SPHKAP: variants seen among roughly 807,000 people sequenced by gnomAD.
The protein encoded by SPHKAP is A-kinase anchor protein SPHKAP.
SPHKAP carries 67 observed loss-of-function variants against 137.5 expected under a neutral mutation model. The observed-to-expected ratio is 0.49, with a 90% confidence interval of 0.40 to 0.60. The LOEUF (loss-of-function observed/expected upper bound fraction) is 0.60. Among genes scored for constraint, SPHKAP ranks in the 20% least tolerant of loss-of-function variants. SPHKAP has a pLI of 0.00. For missense variants in SPHKAP, 2,097 were observed against 2,069.3 expected (o/e 1.01, Z -0.26); for synonymous variants, 813 against 785.3 (o/e 1.04, Z -0.59).
Position 228,076,060 on chromosome 2 carries a change from G to T in SPHKAP, c.246+32772C>A, listed in dbSNP as rs533541607. ...CATGATAGTGAATGAGTCTCATGAG[G>T]TCTGATAATTCTAAAAATGGGAGTT... is the stretch of plus-strand genomic sequence containing the variant. On this transcript the variant is annotated intron_variant, in intron 3 of 11. Coordinates refer to ENST00000392056, the MANE Select transcript of SPHKAP (RefSeq NM_001142644.2). Among the ~76,000 whole-genome samples, 5 of 152,242 alleles carry T rather than the reference G, an allele frequency of 3.3e-5. No individual in the cohort carries two copies. In the East Asian group the frequency reaches 9.7e-4, roughly 29 times the overall value.
In SPHKAP at chr2:227,980,235, G is replaced by GCATGC; in HGVS notation, c.*1481_*1482insGCATG. The GCATGC allele has an allele frequency of 6.6e-6, 1 of 152,416 alleles. No homozygotes were observed. The highest frequency in any genetic ancestry group is 2.1e-4 in the South Asian group (1 of 4,816). 9.4% of individuals were successfully genotyped at this position (152,416 alleles called of 1,614,324 possible). On this transcript the variant is annotated 3_prime_UTR_variant, in exon 12 of 12. Transcript: ENST00000392056. ...AATTAAGCATAATAACCTAAATTTG[G>GCATGC]ACTATCTGAATAAGAAATGCCTAAT...
intron 3 of SPHKAP, among the ~76,000 whole-genome samples, chr2:228,069,754 C>T (rs966086924): frequency 4.6e-5 from 7 of 152,218 alleles, no homozygotes; most frequent in African/African-American, 1.7e-4. Flanking sequence ...GCCTGAGGAA[C>T]CAAGCTTGGA....
At chr2:228,165,597 A>AATTTAT (rs1313256076) in intron 1 of SPHKAP, among the ~76,000 whole-genome samples, 230 of 152,276 alleles carry the variant, frequency 1.5e-3, no homozygotes, top group African/African-American at 5.1e-3. Context: ...GAGATAACTC[A>AATTTAT]CTCCTCTACA....
intron 6 of SPHKAP, 67 bp downstream of exon 6, chr2:228,021,644 T>C: frequency 1.3e-6 from 2 of 1,541,822 alleles, no homozygotes; most frequent in South Asian, 1.3e-5. Context: ...GGAACTTTTC[T>C]GAAATCTCAC....
At chr2:228,005,729 T>G (rs1336197359) in intron 7 of SPHKAP, among the ~76,000 whole-genome samples, 1 of 152,194 alleles carries the variant, frequency 6.6e-6, no homozygotes, top group Non-Finnish European at 1.5e-5. Context: ...TCAGGAGCTC[T>G]TGTAGGGCAG....
At chr2:228,093,729 G>A (rs1302395248) in intron 3 of SPHKAP, among the ~76,000 whole-genome samples, 1 of 150,922 alleles carries the variant, frequency 6.6e-6, no homozygotes, top group Admixed American at 6.6e-5. Context: ...GTGGTGGCGG[G>A]TGCCTGTAAT....
chr2:228,021,476 T>C (rs1694837536), intron 6 of SPHKAP, among the ~76,000 whole-genome samples: 2 of 152,196 alleles, frequency 1.3e-5, no homozygotes, highest in South Asian at 4.1e-4. Context: ...CCCTTCAGTA[T>C]GCCTAAGGCA....
chr2:228,133,163 C>T (rs1231385289), intron 1 of SPHKAP, among the ~76,000 whole-genome samples: 1 of 151,734 alleles, frequency 6.6e-6, no homozygotes, highest in Non-Finnish European at 1.5e-5. Flanking sequence ...AAAAATTAGC[C>T]GGGCATGGTG....
At chr2:228,061,184 A>G (rs967570229) in intron 3 of SPHKAP, among the ~76,000 whole-genome samples, 1 of 152,228 alleles carries the variant, frequency 6.6e-6, no homozygotes, top group African/African-American at 2.4e-5. Context: ...AGACAAGTAT[A>G]CGTGAGGGAT....
At chr2:228,011,026 G>A (rs895491489) in intron 7 of SPHKAP, among the ~76,000 whole-genome samples, 1 of 152,108 alleles carries the variant, frequency 6.6e-6, no homozygotes, top group Admixed American at 6.5e-5. Context: ...TAACTCTCCA[G>A]AGATTTTACT....
chr2:228,134,124 G>A (rs1463798076), intron 1 of SPHKAP, among the ~76,000 whole-genome samples: 5 of 71,508 alleles, frequency 7.0e-5, no homozygotes, highest in Admixed American at 1.6e-4. Flanking sequence ...GAGAGAGAGA[G>A]AGAAAGAAAG....
Position 228,102,666 on chromosome 2 carries a change from A to T in SPHKAP, c.246+6166T>A, listed in dbSNP as rs1312440782. 3.3e-5 allele frequency among the ~76,000 whole-genome samples: 5 copies of T among 152,224 alleles called. No individual in the cohort carries two copies. In the East Asian group the frequency reaches 9.6e-4, roughly 29 times the overall value. The stretch of plus-strand genomic sequence containing the variant: ...ACAGTATTTACTGAATATACTCTAA[A>T]TTAATGCTGCATTGTTTGGCAATCC... On this transcript the variant is annotated intron_variant, in intron 3 of 11. Transcript: ENST00000392056.
chr2:227,991,734 C>T (rs1184201404), intron 9 of SPHKAP: 13 of 950,644 alleles, frequency 1.4e-5, no homozygotes, highest in Non-Finnish European at 1.6e-5. Flanking sequence ...ATCATATGTT[C>T]CCATCTTGTC....
intron 1 of SPHKAP, among the ~76,000 whole-genome samples, chr2:228,166,396 A>T (rs1700423997): frequency 6.6e-6 from 1 of 152,202 alleles, no homozygotes; most frequent in Non-Finnish European, 1.5e-5. Flanking sequence ...TCCTTGTAGT[A>T]AATTTACTTC....
intron 3 of SPHKAP, among the ~76,000 whole-genome samples, chr2:228,055,141 CCAAAAA>C (rs1559149616): frequency 4.5e-5 from 5 of 111,880 alleles, no homozygotes; most frequent in Non-Finnish European, 5.5e-5. Flanking sequence ...AAACTCCACT[CCAAAAA>C]AAAAAAAAAA....
At chr2:228,031,617 C>T (rs532679471) in intron 3 of SPHKAP, among the ~76,000 whole-genome samples, 1 of 152,336 alleles carries the variant, frequency 6.6e-6, no homozygotes, top group East Asian at 1.9e-4. Flanking sequence ...AGGCACCCCC[C>T]AGTAGGAGCA....
At chr2:228,098,112 T>C (rs1473932483) in intron 3 of SPHKAP, among the ~76,000 whole-genome samples, 1 of 151,570 alleles carries the variant, frequency 6.6e-6, no homozygotes, top group Non-Finnish European at 1.5e-5. Context: ...AGTGTATAAG[T>C]TTTCCCTTTT....
intron 2 of SPHKAP, among the ~76,000 whole-genome samples, chr2:228,121,197 T>C (rs1313830285): frequency 6.6e-6 from 1 of 152,166 alleles, no homozygotes; most frequent in Non-Finnish European, 1.5e-5. Flanking sequence ...TGCATGCCTT[T>C]GGACTGTGGC....
chr2:228,092,128 T>C (rs1049356568), intron 3 of SPHKAP, among the ~76,000 whole-genome samples: 3 of 114,040 alleles, frequency 2.6e-5, no homozygotes, highest in African/African-American at 1.1e-4. Context: ...TACATATACG[T>C]ATATGTGTGT....
Sources: gnomAD v4.1 joint callset for allele counts (sites outside exome capture counted in the v4.1 genomes callset) on GRCh38, gnomAD v4.1.1 for gene constraint, MANE v1.5 for transcripts, NCBI Gene and HGNC (gene_info 2026-07-23, HGNC 2026-07-21) for gene names.